The following ARHGEF26 variants were observed in gnomAD, a reference collection of about 807,000 sequenced individuals.
ARHGEF26 encodes Rho guanine nucleotide exchange factor 26.
A neutral mutation model predicts 89.4 loss-of-function variants in ARHGEF26; 59 were observed. That is an observed-to-expected ratio of 0.66 (90% confidence interval 0.54 to 0.82). The LOEUF (loss-of-function observed/expected upper bound fraction) is 0.82, where lower values mean the gene tolerates loss of function less well. ARHGEF26 is among the 40% of genes least tolerant of loss of function. ARHGEF26 has a pLI of 0.00. For missense variants in ARHGEF26, 1,234 were observed against 1,085.6 expected (o/e 1.14, Z -1.92); for synonymous variants, 500 against 428.4 (o/e 1.17, Z -2.06).
At chr3:154,140,588 C>CTTTT (rs34090306) in intron 4 of ARHGEF26, among the ~76,000 whole-genome samples, 2 of 134,914 alleles carry the variant, frequency 1.5e-5, no homozygotes, top group East Asian at 2.2e-4. Flanking sequence ...TTTCTGAGTG[C>CTTTT]TTTTTTTTTT....
chr3:154,167,742 G>C (rs1402489115), intron 6 of ARHGEF26, among the ~76,000 whole-genome samples: 1 of 152,120 alleles, frequency 6.6e-6, no homozygotes, highest in Admixed American at 6.6e-5. Flanking sequence ...ATAATTCTTG[G>C]ATTTCCCTGC....
intron 6 of ARHGEF26, among the ~76,000 whole-genome samples, chr3:154,153,408 T>G (rs1720143031): frequency 6.6e-6 from 1 of 152,122 alleles, no homozygotes. Context: ...TCAAAACTTA[T>G]ATTTAGCAAT....
intron 12 of ARHGEF26, among the ~76,000 whole-genome samples, chr3:154,246,489 G>A (rs566223603): frequency 6.6e-6 from 1 of 152,252 alleles, no homozygotes; most frequent in Admixed American, 6.5e-5. Context: ...CAAAACTTGT[G>A]ATTATTTTAA....
At position 154,122,193 on chromosome 3, in the gene ARHGEF26, G is replaced by A. The variant is rs1196860880; in HGVS notation, c.201G>A (p.Gln67=). 6.2e-7 allele frequency: 1 copy of A among 1,602,246 alleles called. No individual in the cohort carries two copies. The highest frequency in any genetic ancestry group is 8.5e-7 in the Non-Finnish European group (1 of 1,174,726). Residue 67 remains glutamine (Q), a synonymous_variant, in exon 2 of 15, where the codon CAG becomes CAA. Transcript: ENST00000465093. The part of the protein sequence containing the change: ...GTLLAAQIPA[Q]VPTASDSRTV... ...TCCTCGCAGCGCAGATTCCCGCCCA[G>A]GTGCCCACCGCCTCGGACAGCAGGA...
chr3:154,255,408 C>G lies in ARHGEF26; in HGVS notation c.2551C>G (p.Gln851Glu). 6.2e-7 allele frequency: 1 copy of G among 1,613,618 alleles called. No homozygotes were observed. The highest frequency in any genetic ancestry group is 8.5e-7 in the Non-Finnish European group (1 of 1,179,836). ...GGAATGTGCCAAGGAGATAACATGT[C>G]AAGCTACAATTGATAAGAATGTGGA... ...PMECAKEITC[Q>E]ATIDKNVERM... Residue 851 changes from glutamine (Q) to glutamate (E), a missense_variant, in exon 15 of 15, where the codon CAA becomes GAA. By Grantham distance (29) the Gln-to-Glu change is conservative. Transcript: ENST00000465093.
At chr3:154,163,650 C>G (rs1335247370) in intron 6 of ARHGEF26, among the ~76,000 whole-genome samples, 1 of 152,086 alleles carries the variant, frequency 6.6e-6, no homozygotes, top group African/African-American at 2.4e-5. Flanking sequence ...TGTCTTTGAC[C>G]TCTTAGAATA....
chr3:154,130,286 G>A (rs551568876), intron 4 of ARHGEF26, among the ~76,000 whole-genome samples: 57 of 151,698 alleles, frequency 3.8e-4, no homozygotes, highest in African/African-American at 1.3e-3. Flanking sequence ...GACTGTAGGC[G>A]TGTGCCACCA....
At position 154,146,755 on chromosome 3, in the gene ARHGEF26, G is replaced by A. The variant is rs577765672; in HGVS notation, c.1270-2634G>A. On this transcript the variant is annotated intron_variant, in intron 4 of 14. Transcript: ENST00000465093. ...ATATTTTTAACATGTCAAAACTGTA[G>A]TATTGTTCATTTTCTTGTTTTATTT... Among the ~76,000 whole-genome samples, 37 of 152,246 alleles carry A rather than the reference G, an allele frequency of 2.4e-4. No homozygotes were observed. In the South Asian group the frequency reaches 7.5e-3, roughly 31 times the overall value.
chr3:154,250,098 T>C (rs1718040105), intron 12 of ARHGEF26, among the ~76,000 whole-genome samples: 1 of 152,162 alleles, frequency 6.6e-6, no homozygotes, highest in African/African-American at 2.4e-5. Flanking sequence ...TGGTGCACTC[T>C]TGGCTCACCG....
At chr3:154,253,610 C>T (rs987253929) in intron 13 of ARHGEF26, among the ~76,000 whole-genome samples, 4 of 152,192 alleles carry the variant, frequency 2.6e-5, no homozygotes, top group Non-Finnish European at 5.9e-5. Context: ...TGGATTTAAG[C>T]TGAAAAGTAT....
chr3:154,176,059 G>A (rs1457115310), intron 6 of ARHGEF26, among the ~76,000 whole-genome samples: 1 of 152,220 alleles, frequency 6.6e-6, no homozygotes, highest in Non-Finnish European at 1.5e-5. Context: ...TACCGTGGCA[G>A]GGCCTGGATC....
At chr3:154,141,407 T>G (rs1404769184) in intron 4 of ARHGEF26, among the ~76,000 whole-genome samples, 1 of 152,244 alleles carries the variant, frequency 6.6e-6, no homozygotes, top group Non-Finnish European at 1.5e-5. Flanking sequence ...GAACATGTAT[T>G]GTCATTTAGC....
intron 3 of ARHGEF26, among the ~76,000 whole-genome samples, chr3:154,129,262 A>G (rs1234513220): frequency 1.3e-5 from 2 of 152,180 alleles, no homozygotes; most frequent in Admixed American, 6.5e-5. Flanking sequence ...AAAAGATAGG[A>G]TGTAATTTAA....
intron 6 of ARHGEF26, among the ~76,000 whole-genome samples, chr3:154,182,880 C>A (rs1027669014): frequency 6.6e-6 from 1 of 151,956 alleles, no homozygotes; most frequent in Non-Finnish European, 1.5e-5. Flanking sequence ...TTTGTTTTTT[C>A]CTCAAAAATG....
intron 9 of ARHGEF26, among the ~76,000 whole-genome samples, chr3:154,196,215 G>A (rs1306284349): frequency 6.6e-6 from 1 of 152,140 alleles, no homozygotes; most frequent in African/African-American, 2.4e-5. Flanking sequence ...AGTAGAAAGA[G>A]AAAGAGCTGT....
intron 6 of ARHGEF26, among the ~76,000 whole-genome samples, chr3:154,181,234 G>A (rs1228466726): frequency 6.6e-6 from 1 of 152,142 alleles, no homozygotes; most frequent in Middle Eastern, 3.2e-3. Flanking sequence ...AGTATTTCCA[G>A]CAGCACATAC....
intron 9 of ARHGEF26, among the ~76,000 whole-genome samples, chr3:154,199,904 A>G (rs1034704066): frequency 5.3e-5 from 8 of 151,976 alleles, no homozygotes; most frequent in African/African-American, 1.9e-4. Context: ...TGATTGGATT[A>G]TTAGATTTTT....
At chr3:154,214,119 A>G (rs1715576121) in intron 9 of ARHGEF26, among the ~76,000 whole-genome samples, 1 of 152,202 alleles carries the variant, frequency 6.6e-6, no homozygotes, top group African/African-American at 2.4e-5. Context: ...AACATTTGGT[A>G]GGGCCGAGGC....
rs79023128 is a variant in ARHGEF26 at position 154,213,889 on chromosome 3, C to T, written c.1846-3980C>T. Among the ~76,000 whole-genome samples, 76 of 152,252 alleles carry T rather than the reference C, an allele frequency of 5.0e-4. 1 individual carries two copies. The East Asian group carries it at 0.013, about 26-fold the overall frequency. ...AACATTTGCAGAATATCCCATTGGG[C>T]GTTAGGTGCTATATTGGGCTCTGGG... On this transcript the variant is annotated intron_variant, in intron 9 of 14. Coordinates refer to ENST00000465093, the MANE Select transcript of ARHGEF26 (RefSeq NM_015595.4).
Sources: allele counts gnomAD v4.1 joint callset (sites outside exome capture counted in the v4.1 genomes callset), GRCh38; gene constraint gnomAD v4.1.1; transcripts MANE v1.5; gene names NCBI Gene and HGNC (gene_info 2026-07-23, HGNC 2026-07-21).